The following BCL2A1 variants were observed in gnomAD, a reference collection of about 807,000 sequenced individuals.
BCL2A1 encodes BCL2 related protein A1, also known as bcl-2-related protein A1.
In BCL2A1, 10 loss-of-function variants were observed where a neutral mutation model predicts 14.4. That is an observed-to-expected ratio of 0.69 (90% CI 0.43 to 1.18). The LOEUF is 1.18. BCL2A1 is among the 50% of genes most tolerant of loss of function. BCL2A1 has a pLI of 0.00. For synonymous variants in BCL2A1, 71 were observed against 76.5 expected (o/e 0.93, Z 0.38); for missense variants, 158 against 205.0 (o/e 0.77, Z 1.40).
intron 1 of BCL2A1, among the ~76,000 whole-genome samples, chr15:79,968,637 A>G (rs2035566430): frequency 6.6e-6 from 1 of 152,270 alleles, no homozygotes; most frequent in Non-Finnish European, 1.5e-5. Context: ...TATCTGCCAC[A>G]TACATAAAAA....
intron 1 of BCL2A1, among the ~76,000 whole-genome samples, chr15:79,966,086 T>C (rs1374842918): frequency 6.6e-6 from 1 of 152,122 alleles, no homozygotes; most frequent in African/African-American, 2.4e-5. Context: ...GAATTACCTA[T>C]CTAAACTTCC....
chr15:79,964,819 G>A (rs1485755133), intron 1 of BCL2A1, among the ~76,000 whole-genome samples: 2 of 152,238 alleles, frequency 1.3e-5, no homozygotes, highest in African/African-American at 4.8e-5. Flanking sequence ...TCTCTGAGGA[G>A]GCAACCTTGG....
At chr15:79,961,486 G>A (rs973907142) in intron 1 of BCL2A1, among the ~76,000 whole-genome samples, 10 of 151,740 alleles carry the variant, frequency 6.6e-5, no homozygotes, top group Non-Finnish European at 1.2e-4. Context: ...ACAAACCTTC[G>A]AAATCCAATG....
At chr15:79,969,093 C>T (rs529789860) in intron 1 of BCL2A1, among the ~76,000 whole-genome samples, 54 of 151,244 alleles carry the variant, frequency 3.6e-4, no homozygotes, top group Non-Finnish European at 6.5e-4. Flanking sequence ...TGAAAAGATG[C>T]TCAAAATGTA....
In BCL2A1 at chr15:79,971,090, G is replaced by A. The variant is rs1210803141; in HGVS notation, c.30C>T (p.Tyr10=). ...ACTGCAGATAGTCCTGAGCCAGCCT[G>A]TAAATATATCCAAATTCACAGTCTG... The part of the protein sequence containing the change: MTDCEFGYI[Y]RLAQDYLQCV... Residue 10 remains tyrosine, a synonymous_variant, in exon 1 of 2, where the codon TAC becomes TAT. Coordinates refer to ENST00000267953, the MANE Select transcript of BCL2A1 (RefSeq NM_004049.4). 1 of 1,613,802 alleles carries A rather than the reference G, an allele frequency of 6.2e-7. No homozygotes were observed.
chr15:79,965,593 G>A (rs1394244460), intron 1 of BCL2A1, among the ~76,000 whole-genome samples: 3 of 152,088 alleles, frequency 2.0e-5, no homozygotes, highest in Non-Finnish European at 4.4e-5. Flanking sequence ...GCAGCCAGGG[G>A]GATTTGCTGA....
intron 1 of BCL2A1, among the ~76,000 whole-genome samples, chr15:79,969,183 TAA>T (rs1272572477): frequency 6.6e-6 from 1 of 151,842 alleles, no homozygotes; most frequent in Non-Finnish European, 1.5e-5. Context: ...CCCAACAAAT[TAA>T]GAAAATTATG....
chr15:79,969,519 C>T (rs912004742), intron 1 of BCL2A1, among the ~76,000 whole-genome samples: 3 of 152,150 alleles, frequency 2.0e-5, no homozygotes, highest in African/African-American at 7.2e-5. Flanking sequence ...AGAATATACA[C>T]AGCACTCTTA....
intron 1 of BCL2A1, among the ~76,000 whole-genome samples, chr15:79,962,808 A>T (rs549534375): frequency 6.6e-6 from 1 of 152,066 alleles, no homozygotes; most frequent in East Asian, 1.9e-4. Context: ...GGCCTCACAA[A>T]GTGCTGGGAT....
In BCL2A1 at chr15:79,961,153, A is replaced by G. The variant is rs773813106; in HGVS notation, c.442T>C (p.Phe148Leu). 1.9e-6 allele frequency: 3 copies of G among 1,613,950 alleles called. No homozygotes were observed. Among genetic ancestry groups the G allele is most frequent in the Admixed American group, 3.3e-5 (2 of 60,018 alleles). ...GGWENGFVKK[F>L]EPKSGWMTFL... ...GTCATCCAGCCAGATTTAGGTTCAA[A>G]CTTCTTTACAAAGCCATTTTCCTAT... The change falls in exon 2 of 2, where the codon TTT becomes CTT. Residue 148 changes from phenylalanine to leucine, a missense_variant. By Grantham distance (22) the Phe-to-Leu change is conservative (BLOSUM62 0). Transcript: ENST00000267953.
rs145187509 is a variant in BCL2A1 at position 79,966,199 on chromosome 15, G to A, written c.420+4501C>T. On this transcript the variant is annotated intron_variant, in intron 1 of 1. Coordinates refer to ENST00000267953, the MANE Select transcript of BCL2A1 (RefSeq NM_004049.4). ...ATCCTTTAGCTTTCCTTTAAAGGTA[G>A]GTAAGATTGTTTTCATTAAATATTA... Among the ~76,000 whole-genome samples the A allele has an allele frequency of 1.0e-3, 158 of 152,042 alleles. 1 individual carries two copies. The highest frequency in any genetic ancestry group is 6.9e-3 in the Middle Eastern group (2 of 290).
At chr15:79,964,877 C>A (rs571124485) in intron 1 of BCL2A1, among the ~76,000 whole-genome samples, 1 of 152,114 alleles carries the variant, frequency 6.6e-6, no homozygotes, top group Non-Finnish European at 1.5e-5. Context: ...AAACTTCTGG[C>A]GGAAAATTAT....
chr15:79,970,886 C>G lies in BCL2A1; in HGVS notation c.234G>C (p.Glu78Asp). ...RTLFNQVMEKEFEDGIINWGR... is the reference protein window; with the variant it reads ...RTLFNQVMEKDFEDGIINWGR... ...CCCAGTTAATGATGCCGTCTTCAAA[C>G]TCCTTTTCCATCACTTGGTTGAATA... Residue 78 changes from glutamate to aspartate, a missense_variant, in exon 1 of 2, where the codon GAG becomes GAC. Transcript: ENST00000267953. 6.2e-7 allele frequency: 1 copy of G among 1,614,256 alleles called. No homozygotes were observed. The highest frequency in any genetic ancestry group is 8.5e-7 in the Non-Finnish European group (1 of 1,180,034).
At chr15:79,968,905 G>A (rs2035569312) in intron 1 of BCL2A1, among the ~76,000 whole-genome samples, 1 of 152,122 alleles carries the variant, frequency 6.6e-6, no homozygotes, top group Admixed American at 6.6e-5. Flanking sequence ...ACTCCAGCCT[G>A]GGCAACAAGA....
At chr15:79,967,396 A>C (rs1250526439) in intron 1 of BCL2A1, among the ~76,000 whole-genome samples, 1 of 151,900 alleles carries the variant, frequency 6.6e-6, no homozygotes, top group Non-Finnish European at 1.5e-5. Flanking sequence ...TTGTATTTTC[A>C]GTAGAGACAG....
chr15:79,970,408 T>A (rs1488755323), intron 1 of BCL2A1, among the ~76,000 whole-genome samples: 1 of 152,188 alleles, frequency 6.6e-6, no homozygotes, highest in Non-Finnish European at 1.5e-5. Flanking sequence ...CACAGCTGAT[T>A]GTGAAGCTGC....
chr15:79,967,635 A>C, intron 1 of BCL2A1: 4 of 1,597,020 alleles, frequency 2.5e-6, no homozygotes, highest in Non-Finnish European at 3.4e-6. Context: ...CTCTACTCTT[A>C]CCTCTTCTTG....
Position 79,970,779 on chromosome 15 carries a change from G to A in BCL2A1, c.341C>T (p.Thr114Ile). Residue 114 changes from threonine (T) to isoleucine (I), a missense_variant, in exon 1 of 2, where the codon ACC (threonine) becomes ATC (isoleucine). Coordinates refer to ENST00000267953, the MANE Select transcript of BCL2A1 (RefSeq NM_004049.4). Reference protein sequence around the residue: ...LRQQIAPDVDTYKEISYFVAE... With the variant: ...LRQQIAPDVDIYKEISYFVAE... Reference sequence around the variant, plus strand: ...AACAAAATATGAAATCTCCTTATAGGTATCCACATCCGGGGCAATTTGCTG... The same window carrying A: ...AACAAAATATGAAATCTCCTTATAGATATCCACATCCGGGGCAATTTGCTG... The A allele has an allele frequency of 6.2e-7, 1 of 1,614,088 alleles. No homozygotes were observed. Among genetic ancestry groups the A allele is most frequent in the Non-Finnish European group, 8.5e-7 (1 of 1,180,016 alleles).
At chr15:79,967,662 C>T (rs1202204674) in intron 1 of BCL2A1, 1 of 1,592,556 alleles carries the variant, frequency 6.3e-7, no homozygotes, top group Non-Finnish European at 8.6e-7. Context: ...ACTGACTCTA[C>T]CAGCATAGGT....
Sources: allele counts gnomAD v4.1 joint callset (sites outside exome capture counted in the v4.1 genomes callset), GRCh38; gene constraint gnomAD v4.1.1; transcripts MANE v1.5; gene names NCBI Gene and HGNC (gene_info 2026-07-23, HGNC 2026-07-21).